GBE1: variants seen among roughly 807,000 people sequenced by gnomAD.
GBE1 encodes 1,4-alpha-glucan-branching enzyme.
Under a neutral mutation model 88.8 loss-of-function variants are expected in GBE1, and 70 were observed. The ratio of observed to expected loss-of-function variants is 0.79; its 90% CI spans 0.65 to 0.96. The LOEUF is 0.96. Among genes scored for constraint, GBE1 ranks in the 40% least tolerant of loss-of-function variants. The pLI, the probability that GBE1 is intolerant of heterozygous loss-of-function variation, is 0.00. For synonymous variants in GBE1, 284 were observed against 300.1 expected (o/e 0.95, Z 0.56); for missense variants, 872 against 871.0 (o/e 1.00, Z -0.01).
At chr3:81,655,889 T>G (rs1186410943) in intron 3 of GBE1, among the ~76,000 whole-genome samples, 1 of 151,706 alleles carries the variant, frequency 6.6e-6, no homozygotes, top group African/African-American at 2.4e-5. Context: ...ATAGAATTTA[T>G]AATCGCTAAA....
intron 3 of GBE1, among the ~76,000 whole-genome samples, chr3:81,662,276 C>G (rs1219649687): frequency 6.6e-6 from 1 of 152,200 alleles, no homozygotes; most frequent in African/African-American, 2.4e-5. Flanking sequence ...AAGTGATCCA[C>G]CCGCCTCGGC....
chr3:81,705,179 A>G (rs1705756751), intron 2 of GBE1, among the ~76,000 whole-genome samples: 1 of 152,112 alleles, frequency 6.6e-6, no homozygotes, highest in African/African-American at 2.4e-5. Flanking sequence ...TTGTCTTCCT[A>G]ATAGCATTTT....
chr3:81,649,199 T>C (rs1704810447), intron 4 of GBE1, among the ~76,000 whole-genome samples: 1 of 152,134 alleles, frequency 6.6e-6, no homozygotes, highest in Non-Finnish European at 1.5e-5. Flanking sequence ...AGATAAATCA[T>C]GTAATAGCTT....
At chr3:81,500,890 G>A (rs1702577457) in intron 14 of GBE1, among the ~76,000 whole-genome samples, 1 of 152,136 alleles carries the variant, frequency 6.6e-6, no homozygotes, top group Non-Finnish European at 1.5e-5. Flanking sequence ...ACACTTGTAA[G>A]TGAGAACATG....
At chr3:81,655,310 T>C (rs1484828195) in intron 3 of GBE1, among the ~76,000 whole-genome samples, 1 of 152,002 alleles carries the variant, frequency 6.6e-6, no homozygotes, top group Non-Finnish European at 1.5e-5. Context: ...CCTCCAAAAG[T>C]ACTGGGATTA....
At chr3:81,670,787 A>T in intron 3 of GBE1, 51 bp downstream of exon 3, 1 of 979,770 alleles carries the variant, frequency 1.0e-6, no homozygotes, top group Non-Finnish European at 1.5e-6. Context: ...TTGGCAAACA[A>T]GATAAAAAGA....
chr3:81,682,323 A>G (rs1705358179), intron 2 of GBE1, among the ~76,000 whole-genome samples: 1 of 152,072 alleles, frequency 6.6e-6, no homozygotes, highest in South Asian at 2.1e-4. Context: ...TTAGCTGGGC[A>G]TGGTGGCACA....
chr3:81,669,399 A>C (rs1705157164), intron 3 of GBE1, among the ~76,000 whole-genome samples: 1 of 152,218 alleles, frequency 6.6e-6, no homozygotes, highest in African/African-American at 2.4e-5. Context: ...CCTAAAACAA[A>C]GGTTAAAAAA....
At chr3:81,564,092 G>C (rs1703458136) in intron 12 of GBE1, among the ~76,000 whole-genome samples, 1 of 151,978 alleles carries the variant, frequency 6.6e-6, no homozygotes, top group Non-Finnish European at 1.5e-5. Context: ...AAGTCATAAG[G>C]GCTCTTACAT....
rs535511771 is a variant in GBE1, at chr3:81,689,894, G to A, written c.313+15550C>T. ...GGGATTCAATTCAAAGCACACCAGC[G>A]GGGATTCTAGCTTTGTGGAGGATCC... On this transcript the variant is annotated intron_variant, in intron 2 of 15. Coordinates refer to ENST00000429644, the MANE Select transcript of GBE1 (RefSeq NM_000158.4). 5.9e-5 allele frequency among the ~76,000 whole-genome samples: 9 copies of A among 152,218 alleles called. No individual in the cohort carries two copies. In the South Asian group the frequency reaches 8.3e-4, roughly 14 times the overall value.
intron 1 of GBE1, among the ~76,000 whole-genome samples, chr3:81,720,332 C>CTG (rs1431663129): frequency 1.4e-5 from 2 of 147,414 alleles, no homozygotes; most frequent in African/African-American, 5.2e-5. Context: ...CACGCACACA[C>CTG]TGTGTGTGTA....
chr3:81,700,764 C>T lies in GBE1; in HGVS notation c.313+4680G>A, dbSNP rs371407055. Among the ~76,000 whole-genome samples the T allele has an allele frequency of 4.6e-5, 7 of 152,198 alleles. No individual in the cohort carries two copies. The East Asian group carries it at 1.3e-3, about 29-fold the overall frequency. ...TCTTCTTGCTATCTTTCCCACTCTG[C>T]AAAAATATCAGTGGTTCCTTTTTCT... On this transcript the variant is annotated intron_variant, in intron 2 of 15. Transcript: ENST00000429644.
intron 2 of GBE1, among the ~76,000 whole-genome samples, chr3:81,682,784 CA>C (rs575021512): frequency 1.3e-5 from 2 of 152,224 alleles, no homozygotes; most frequent in African/African-American, 4.8e-5. Flanking sequence ...CATGTCAACA[CA>C]AAAACTTGAA....
intron 2 of GBE1, among the ~76,000 whole-genome samples, chr3:81,701,786 A>G (rs562333982): frequency 1.3e-5 from 2 of 151,866 alleles, no homozygotes; most frequent in African/African-American, 2.4e-5. Context: ...ATTTTCTGGT[A>G]AAGATAGGGT....
intron 1 of GBE1, among the ~76,000 whole-genome samples, chr3:81,737,801 C>T (rs544095505): frequency 9.7e-4 from 148 of 151,828 alleles, no homozygotes; most frequent in African/African-American, 2.9e-3. Context: ...GTGCACAATG[C>T]GCAGGTTAGT....
intron 1 of GBE1, among the ~76,000 whole-genome samples, chr3:81,737,999 A>G (rs6795901): frequency 0.62 from 93,638 of 151,572 alleles, 30,477 homozygotes; most frequent in East Asian, 0.89. Context: ...GAGAATATGC[A>G]GTGTTTGGTT....
chr3:81,525,998 ATTTTTTGAAGGGT>A (rs1311402019), intron 14 of GBE1, among the ~76,000 whole-genome samples: 1 of 151,912 alleles, frequency 6.6e-6, no homozygotes, highest in Non-Finnish European at 1.5e-5. Context: ...GGATTCATTG[ATTTTTTGAAGGGT>A]TTTTTATGTC....
chr3:81,703,231 A>G (rs539686181), intron 2 of GBE1, among the ~76,000 whole-genome samples: 79 of 152,174 alleles, frequency 5.2e-4, no homozygotes, highest in African/African-American at 1.8e-3. Flanking sequence ...TATTGTGTTT[A>G]TGTAAAAGAA....
In GBE1 at chr3:81,690,094, A is replaced by C. The variant is rs187956022; in HGVS notation, c.313+15350T>G. ...AAACATTATAAATCTAATGCTCTAG[A>C]GACAGAGAACTATGTGCTTTATCTG... On this transcript the variant is annotated intron_variant, in intron 2 of 15. Coordinates refer to ENST00000429644, the MANE Select transcript of GBE1 (RefSeq NM_000158.4). Among the ~76,000 whole-genome samples, 615 of 152,310 alleles carry C rather than the reference A, an allele frequency of 4.0e-3. 2 individuals are homozygous for C. Among genetic ancestry groups the C allele is most frequent in the Non-Finnish European group, 7.0e-3 (475 of 68,022 alleles).
Sources: allele counts gnomAD v4.1 joint callset (sites outside exome capture counted in the v4.1 genomes callset), GRCh38; gene constraint gnomAD v4.1.1; transcripts MANE v1.5; gene names NCBI Gene and HGNC (gene_info 2026-07-23, HGNC 2026-07-21).